Variants in SERPINA12 observed in about 807,000 individuals in gnomAD.
SERPINA12 encodes serpin A12.
SERPINA12 carries 21 observed loss-of-function variants against 25.9 expected under a neutral mutation model. The observed-to-expected ratio is 0.81, with a 90% CI of 0.58 to 1.17. The LOEUF is 1.17. SERPINA12 is among the 50% of genes most tolerant of loss of function. SERPINA12 has a pLI of 0.00. For synonymous variants in SERPINA12, 220 were observed against 196.0 expected, an observed-to-expected ratio of 1.12 and a Z score of -1.02; for missense variants, 562 against 508.3, an observed-to-expected ratio of 1.11 and a Z score of -1.02.
At chr14:94,507,597 G>T (rs1900976280) in intron 1 of SERPINA12, among the ~76,000 whole-genome samples, 2 of 152,196 alleles carry the variant, frequency 1.3e-5, no homozygotes, top group Admixed American at 6.5e-5. Flanking sequence ...CTGAAAAGGT[G>T]CTCGACATCA....
chr14:94,516,717 C>T (rs1901245229), intron 1 of SERPINA12, among the ~76,000 whole-genome samples: 1 of 152,244 alleles, frequency 6.6e-6, no homozygotes. Flanking sequence ...TTATACCTTA[C>T]AGTTTCTGTC....
exon 1 of SERPINA12, chr14:94,517,710 G>A (rs778850405): frequency 1.3e-5 from 2 of 152,242 alleles, no homozygotes; most frequent in Non-Finnish European, 2.9e-5. Flanking sequence ...TTCTGGAGTA[G>A]AGCCTGCTCG....
chr14:94,514,420 G>A, upstream of SERPINA12, among the ~76,000 whole-genome samples: 1 of 152,224 alleles, frequency 6.6e-6, no homozygotes. Context: ...GCTACTGGTG[G>A]GCACTCTCTG....
rs955690378 is a variant in SERPINA12 at position 94,517,050 on chromosome 14, C to T, written c.-353+351G>A. 1.2e-4 allele frequency among the ~76,000 whole-genome samples: 18 copies of T among 152,340 alleles called. 1 individual carries two copies. Among genetic ancestry groups the T allele is most frequent in the Non-Finnish European group, 2.4e-4 (16 of 68,032 alleles). ...TGAACTTGCTGACCATAAATGTGAA[C>T]GAAACTGCCCTTTGGGGGCACAGCA... On this transcript the variant is annotated intron_variant, in intron 1 of 5. Transcript: ENST00000341228.
chr14:94,511,364 T>C (rs1014424980), upstream of SERPINA12: 8 of 974,850 alleles, frequency 8.2e-6, no homozygotes, highest in Non-Finnish European at 8.5e-6. Flanking sequence ...CTGTCAAATG[T>C]CACACGGTTA....
chr14:94,491,600 T>C (rs965484943), intron 3 of SERPINA12, among the ~76,000 whole-genome samples: 8 of 152,096 alleles, frequency 5.3e-5, no homozygotes, highest in Non-Finnish European at 1.0e-4. Context: ...GGCGGAAAGA[T>C]ACCAAATTCC....
chr14:94,499,524 G>A (rs1007301607), intron 1 of SERPINA12, among the ~76,000 whole-genome samples: 2 of 152,180 alleles, frequency 1.3e-5, no homozygotes, highest in African/African-American at 2.4e-5. Context: ...TATGTAAAAC[G>A]AAGGCAGATT....
intron 1 of SERPINA12, among the ~76,000 whole-genome samples, chr14:94,505,154 C>T (rs1167806509): frequency 2.0e-5 from 3 of 152,210 alleles, no homozygotes. Context: ...CTCGGAAGAG[C>T]CATGGGTGTT....
rs148915956 is a variant in SERPINA12, at chr14:94,508,195, A to C, written c.-34+1147T>G. ...GACTGAGTAAATGCAATGTATTTTC[A>C]GTCATTGAATTCAACTCCAATTGGG... is the stretch of plus-strand genomic sequence containing the variant. On this transcript the variant is annotated intron_variant, in intron 1 of 4. Transcript: ENST00000677451. 4.2e-3 allele frequency among the ~76,000 whole-genome samples: 639 copies of C among 152,384 alleles called. 3 individuals carry two copies. The highest frequency in any genetic ancestry group is 0.015 in the African/African-American group (610 of 41,598).
intron 3 of SERPINA12, 94 bp from the exon 4 acceptor site, chr14:94,489,861 C>T: frequency 7.7e-7 from 1 of 1,303,958 alleles, no homozygotes; most frequent in Non-Finnish European, 1.1e-6. Context: ...TGTGTCCTCC[C>T]AGCCCCAAAG....
intron 4 of SERPINA12, among the ~76,000 whole-genome samples, chr14:94,489,149 G>GAGAGAA (rs1555376675): frequency 0.016 from 2,316 of 145,842 alleles, 68 homozygotes; most frequent in East Asian, 0.11. Flanking sequence ...GAGAGAGAGA[G>GAGAGAA]AGAAAGAAAG....
chr14:94,508,762 A>C (rs1901019270), intron 1 of SERPINA12, among the ~76,000 whole-genome samples: 1 of 152,212 alleles, frequency 6.6e-6, no homozygotes, highest in Non-Finnish European at 1.5e-5. Context: ...TATATATATC[A>C]ATAAGTAACC....
chr14:94,492,002 C>A (rs1900196706), intron 3 of SERPINA12, among the ~76,000 whole-genome samples: 1 of 152,072 alleles, frequency 6.6e-6, no homozygotes, highest in Admixed American at 6.6e-5. Context: ...GAGACACTCA[C>A]CTCTGAGACC....
chr14:94,497,677 C>CAG (rs1900494376), intron 2 of SERPINA12, 87 bp downstream of exon 2: 1 of 1,252,408 alleles, frequency 8.0e-7, no homozygotes, highest in East Asian at 2.3e-5. Context: ...TTCAAGGTCA[C>CAG]AGAGTAAACA....
intron 3 of SERPINA12, among the ~76,000 whole-genome samples, chr14:94,494,171 C>A (rs1247958087): frequency 6.6e-6 from 1 of 152,134 alleles, no homozygotes; most frequent in Non-Finnish European, 1.5e-5. Context: ...GGTGGAAGAC[C>A]TGGCATCCCT....
At chr14:94,499,557 A>T (rs1900623885) in intron 1 of SERPINA12, among the ~76,000 whole-genome samples, 1 of 152,220 alleles carries the variant, frequency 6.6e-6, no homozygotes, top group Non-Finnish European at 1.5e-5. Context: ...CATCTGTTAT[A>T]TCATTTAGTC....
intron 3 of SERPINA12, among the ~76,000 whole-genome samples, chr14:94,490,811 G>A (rs1900147571): frequency 1.3e-5 from 2 of 152,138 alleles, no homozygotes; most frequent in East Asian, 1.9e-4. Context: ...CTCTCAGTGA[G>A]CCGCACGTGA....
At chr14:94,500,869 G>C (rs1033734850) in intron 1 of SERPINA12, 1 of 985,152 alleles carries the variant, frequency 1.0e-6, no homozygotes, top group African/African-American at 1.7e-5. Flanking sequence ...TCACAAATAC[G>C]GGCAGATACA....
In SERPINA12 at chr14:94,497,849, T is replaced by C; in HGVS notation, c.549A>G (p.Gln183=). ...GGTTGTTAATTTTCCCATGGGTTTT[T>C]TGACTGATAAAGTCATTGATCTGCT... ...AQKQINDFIS[Q]KTHGKINNLI... The change falls in exon 2 of 5, where the codon CAA becomes CAG. Residue 183 remains glutamine, a synonymous_variant. Coordinates refer to ENST00000677451, the MANE Select transcript of SERPINA12 (RefSeq NM_001382267.1). 6.2e-7 allele frequency: 1 copy of C among 1,614,254 alleles called. No individual in the cohort carries two copies. The highest frequency in any genetic ancestry group is 1.1e-5 in the South Asian group (1 of 91,086).
Sources: gnomAD v4.1 joint callset for allele counts (sites outside exome capture counted in the v4.1 genomes callset) on GRCh38, gnomAD v4.1.1 for gene constraint, MANE v1.5 for transcripts, NCBI Gene and HGNC (gene_info 2026-07-23, HGNC 2026-07-21) for gene names.